Variants in OAF observed in about 807,000 individuals in gnomAD.
OAF encodes out at first homolog.
A neutral mutation model predicts 22.5 loss-of-function variants in OAF; 13 were observed. That is an observed-to-expected ratio of 0.58 (90% CI 0.38 to 0.92). The LOEUF is 0.92. Among genes scored for constraint, OAF ranks in the 40% least tolerant of loss-of-function variants. The pLI, the probability that OAF is intolerant of heterozygous loss-of-function variation, is 0.00. For synonymous variants in OAF, 175 were observed against 170.5 expected, an observed-to-expected ratio of 1.03 and a Z score of -0.21; for missense variants, 347 against 381.8, an observed-to-expected ratio of 0.91 and a Z score of 0.76.
At chr11:120,217,544 A>C (rs1938229063) in intron 1 of OAF, 1 of 152,132 alleles carries the variant, frequency 6.6e-6, no homozygotes. Context: ...ACGCCGTTGC[A>C]CTCCAGCCTG....
chr11:120,223,006 G>A (rs1938302234), intron 1 of OAF, among the ~76,000 whole-genome samples: 1 of 152,216 alleles, frequency 6.6e-6, no homozygotes, highest in Non-Finnish European at 1.5e-5. Context: ...TCTTATTTGT[G>A]TCATGCTGTT....
Position 120,229,381 on chromosome 11 carries a change from A to AC in OAF, c.*239_*240insC. On this transcript the variant is annotated 3_prime_UTR_variant, in exon 4 of 4. Coordinates refer to ENST00000328965, the MANE Select transcript of OAF (RefSeq NM_178507.4). Reference sequence around the variant, plus strand: ...CTTCCTTGCGGGCAGAGAGGGAGAGAAGGGCTCCCCAGATCTACACCCCTC... The same window carrying AC: ...CTTCCTTGCGGGCAGAGAGGGAGAGACAGGGCTCCCCAGATCTACACCCCTC... 2 of 229,518 alleles carry AC rather than the reference A, an allele frequency of 8.7e-6. No individual in the cohort carries two copies. Among genetic ancestry groups the AC allele is most frequent in the South Asian group, 3.2e-4 (2 of 6,170 alleles). The allele number at this position is 229,518 out of a possible 1,614,324, so 14.2% of individuals were successfully genotyped here.
chr11:120,217,287 AT>A (rs1370003294), intron 1 of OAF: 1 of 152,400 alleles, frequency 6.6e-6, no homozygotes, highest in Admixed American at 6.5e-5. Flanking sequence ...TTTGGAAAAT[AT>A]CTCACCAAGG....
intron 1 of OAF, among the ~76,000 whole-genome samples, chr11:120,224,005 C>T (rs186629418): frequency 6.6e-6 from 1 of 152,304 alleles, no homozygotes; most frequent in East Asian, 1.9e-4. Flanking sequence ...TCAGATAGCC[C>T]AGGCTGGCAG....
chr11:120,225,858 CCA>C, intron 2 of OAF, 63 bp downstream of exon 2: 1 of 1,485,032 alleles, frequency 6.7e-7, no homozygotes, highest in Non-Finnish European at 9.1e-7. Context: ...GGCCCAGATC[CCA>C]TCCCGCAGAC....
intron 1 of OAF, among the ~76,000 whole-genome samples, chr11:120,212,083 C>G (rs1186828036): frequency 6.6e-6 from 1 of 152,210 alleles, no homozygotes; most frequent in African/African-American, 2.4e-5. Context: ...CCTCTTTGGT[C>G]TGGAAGGCTG....
At chr11:120,227,045 C>T in intron 3 of OAF, 49 bp downstream of exon 3, 1 of 1,403,576 alleles carries the variant, frequency 7.1e-7, no homozygotes, top group Non-Finnish European at 9.9e-7. Flanking sequence ...GGGAAGGGGA[C>T]AGGGAGACAG....
At chr11:120,218,156 AGGAGCACTGCTCTGGGGAGGGGCTGGGGG>A (rs1938236182) in intron 1 of OAF, among the ~76,000 whole-genome samples, 1 of 2,242 alleles carries the variant, frequency 4.5e-4, no homozygotes, top group African/African-American at 2.0e-3. Context: ...GGCTGGGGGC[AGGAGCACTGCTCTGGGGAGGGGCTGGGGG>A]CAGGAGCACT....
chr11:120,222,952 C>T (rs530675213), intron 1 of OAF, among the ~76,000 whole-genome samples: 1 of 152,168 alleles, frequency 6.6e-6, no homozygotes, highest in South Asian at 2.1e-4. Flanking sequence ...GAAGTCCTGG[C>T]AGGGCAGGCA....
rs758247071 is a variant in OAF, at chr11:120,229,179, A to G, written c.*37A>G. The G allele has an allele frequency of 1.3e-6, 2 of 1,581,934 alleles. No homozygotes were observed. Among genetic ancestry groups the G allele is most frequent in the Non-Finnish European group, 1.7e-6 (2 of 1,159,708 alleles). On this transcript the variant is annotated 3_prime_UTR_variant, in exon 4 of 4. Coordinates refer to ENST00000328965, the MANE Select transcript of OAF (RefSeq NM_178507.4). Reference sequence around the variant, plus strand: ...CCTGGCGGGTGGCTGCTCTGGGCCCACTGCTCTTCACCAGCCACTAGAGGG... The same window carrying G: ...CCTGGCGGGTGGCTGCTCTGGGCCCGCTGCTCTTCACCAGCCACTAGAGGG...
chr11:120,225,483 T>C (rs892327897), intron 1 of OAF, among the ~76,000 whole-genome samples, 178 bp from the exon 2 acceptor site: 3 of 152,190 alleles, frequency 2.0e-5, no homozygotes, highest in Non-Finnish European at 4.4e-5. Context: ...GGGTGTGTTC[T>C]TTCTTTCAAG....
intron 1 of OAF, among the ~76,000 whole-genome samples, chr11:120,212,591 C>T (rs1446638228): frequency 1.3e-5 from 2 of 151,252 alleles, no homozygotes; most frequent in South Asian, 2.1e-4. Context: ...AGCCCGGGGC[C>T]CCGGGGACCC....
At chr11:120,227,518 C>A (rs1938377242) in intron 3 of OAF, among the ~76,000 whole-genome samples, 1 of 152,104 alleles carries the variant, frequency 6.6e-6, no homozygotes, top group Non-Finnish European at 1.5e-5. Context: ...GGACACCCTG[C>A]CCCCCTCCAC....
chr11:120,220,519 A>G (rs1174356661), intron 1 of OAF, among the ~76,000 whole-genome samples: 1 of 152,218 alleles, frequency 6.6e-6, no homozygotes, highest in East Asian at 1.9e-4. Context: ...GTCTGGAAAG[A>G]AAGACAAGTA....
intron 1 of OAF, among the ~76,000 whole-genome samples, chr11:120,212,244 CGGTGGGTGGGTGGGTG>C (rs56028329): frequency 2.0e-5 from 2 of 97,600 alleles, no homozygotes; most frequent in South Asian, 4.7e-4. Context: ...GAGACCAGCC[CGGTGGGTGGGTGGGTG>C]GGTGGGTGTG....
rs56667128 is a variant in OAF, at chr11:120,226,466, G to A, written c.367-350G>A. ...CCCAAAGGGACTTGGTTCCCTGGATGTTGGAAAGTACGTGATTCCAGAGGT... is the reference window on the plus strand; with the variant it reads ...CCCAAAGGGACTTGGTTCCCTGGATATTGGAAAGTACGTGATTCCAGAGGT... On this transcript the variant is annotated intron_variant, in intron 2 of 3. Transcript: ENST00000328965. 0.048 allele frequency among the ~76,000 whole-genome samples: 7,277 copies of A among 152,296 alleles called. 1,026 individuals carry two copies. In the East Asian group the frequency reaches 0.57, roughly 12 times the overall value.
intron 2 of OAF, 133 bp from the exon 3 acceptor site, chr11:120,226,683 G>C: frequency 1.4e-6 from 1 of 724,968 alleles, no homozygotes; most frequent in South Asian, 2.0e-5. Context: ...AGAGGGGTGG[G>C]GCTGCCACCC....
rs116554212 is a variant in OAF at position 120,229,474 on chromosome 11, T to C, written c.*332T>C. 9.5e-4 allele frequency: 279 copies of C among 294,110 alleles called. No individual in the cohort carries two copies. The highest frequency in any genetic ancestry group is 5.6e-3 in the African/African-American group (269 of 47,672). 18.2% of individuals were successfully genotyped at this position (294,110 alleles called of 1,614,324 possible). ...AACATGATGGCCTCTGGTTGTTCTG[T>C]TGAACTCCTTGAACGTTTAGACCCT... On this transcript the variant is annotated 3_prime_UTR_variant, in exon 4 of 4. Coordinates refer to ENST00000328965, the MANE Select transcript of OAF (RefSeq NM_178507.4).
At chr11:120,218,984 C>T (rs899964122) in intron 1 of OAF, among the ~76,000 whole-genome samples, 1 of 148,314 alleles carries the variant, frequency 6.7e-6, no homozygotes, top group African/African-American at 2.4e-5. Context: ...CACGCATGTA[C>T]ACGTGTGTGT....
Sources: allele counts gnomAD v4.1 joint callset (sites outside exome capture counted in the v4.1 genomes callset), GRCh38; gene constraint gnomAD v4.1.1; transcripts MANE v1.5; gene names NCBI Gene and HGNC (gene_info 2026-07-23, HGNC 2026-07-21).